The following NHLRC2 variants were observed in gnomAD, a reference collection of about 807,000 sequenced individuals.
NHLRC2 encodes NHL repeat-containing protein 2.
Under a neutral mutation model 68.1 loss-of-function variants are expected in NHLRC2, and 33 were observed. The observed-to-expected ratio is 0.48, with a 90% CI of 0.37 to 0.65. The LOEUF is 0.65. Ranked by LOEUF, NHLRC2 falls within the 30% of genes least tolerant of loss-of-function variation. The probability of loss-of-function intolerance (pLI) is 0.00; values close to 1 mark genes in which losing one functional copy is unlikely to be tolerated. For missense variants in NHLRC2, 761 were observed against 853.8 expected, an observed-to-expected ratio of 0.89 and a Z score of 1.35; for synonymous variants, 311 against 309.6, an observed-to-expected ratio of 1.00 and a Z score of -0.05.
rs747765760 is a variant in NHLRC2 at position 113,854,931 on chromosome 10, C to T, written c.59C>T (p.Ser20Leu). ...TCCGGCCTGCTCCCCGCGCAGACCT[C>T]GCTAGAGTACGCCCTGCTCGACGCC... ...SLSGLLPAQT[S>L]LEYALLDAVT... is the part of the protein sequence containing the mutation. Residue 20 changes from serine (S) to leucine (L), a missense_variant, in exon 1 of 11, where the codon TCG becomes TTG. Physicochemically the swap from Ser to Leu is moderately radical, Grantham distance 145. Coordinates refer to ENST00000369301, the MANE Select transcript of NHLRC2 (RefSeq NM_198514.4). 40 of 1,554,290 alleles carry T rather than the reference C, an allele frequency of 2.6e-5. No homozygotes were observed. In the Admixed American group the frequency reaches 6.8e-4, roughly 26 times the overall value.
chr10:113,870,299 T>A (rs1164685505), intron 2 of NHLRC2, among the ~76,000 whole-genome samples: 1 of 152,198 alleles, frequency 6.6e-6, no homozygotes, highest in Non-Finnish European at 1.5e-5. Context: ...CAGATATTCA[T>A]TCTATCCACC....
intron 5 of NHLRC2, among the ~76,000 whole-genome samples, chr10:113,893,294 T>C (rs10219135): frequency 0.8 from 121,182 of 152,048 alleles, 48,367 homozygotes; most frequent in Admixed American, 0.85. Context: ...AACGGGCAAG[T>C]AGAGAACTGA....
chr10:113,887,599 G>A lies in NHLRC2; in HGVS notation c.1039+3219G>A, dbSNP rs569500970. On this transcript the variant is annotated intron_variant, in intron 5 of 10. Transcript: ENST00000369301. ...AGCCTCGCCAACGTGGTGAAGCCCC[G>A]TCTATACAAGAATACAAAAATTAGC... Among the ~76,000 whole-genome samples, 11 of 152,002 alleles carry A rather than the reference G, an allele frequency of 7.2e-5. No individual in the cohort carries two copies. In the South Asian group the frequency reaches 8.3e-4, roughly 11 times the overall value.
chr10:113,895,960 A>C (rs965559784), intron 5 of NHLRC2, among the ~76,000 whole-genome samples: 5 of 152,222 alleles, frequency 3.3e-5, no homozygotes, highest in Non-Finnish European at 5.9e-5. Flanking sequence ...GAACCTCCAC[A>C]ATGAGATACC....
At chr10:113,880,280 T>G (rs557769197) in intron 4 of NHLRC2, among the ~76,000 whole-genome samples, 20 of 152,148 alleles carry the variant, frequency 1.3e-4, no homozygotes, top group Admixed American at 3.9e-4. Context: ...AAATTGATAT[T>G]AAAAAGCCTT....
At position 113,915,242 on chromosome 10, in the gene NHLRC2, A is replaced by C; in HGVS notation, c.*6706A>C. The C allele has an allele frequency of 2.2e-6, 1 of 456,296 alleles. No individual in the cohort carries two copies. The highest frequency in any genetic ancestry group is 1.5e-5 in the South Asian group (1 of 64,572). The allele number at this position is 456,296 out of a possible 1,614,324, so 28.3% of individuals were successfully genotyped here. A position where few individuals can be genotyped will look rare whatever the true frequency, so the allele number is the denominator to read the frequency against. ...GGACCAAAAGGAAAATATTGCAACT[A>C]TTTGCAAACATACTTCCCTACCTGT... On this transcript the variant is annotated 3_prime_UTR_variant, in exon 11 of 11. Coordinates refer to ENST00000369301, the MANE Select transcript of NHLRC2 (RefSeq NM_198514.4).
In NHLRC2 at chr10:113,854,866, C is replaced by A; in HGVS notation, c.-7C>A. 6.5e-7 allele frequency: 1 copy of A among 1,539,098 alleles called. No homozygotes were observed. The highest frequency in any genetic ancestry group is 8.8e-7 in the Non-Finnish European group (1 of 1,142,606). On this transcript the variant is annotated 5_prime_UTR_variant, in exon 1 of 11. Coordinates refer to ENST00000369301, the MANE Select transcript of NHLRC2 (RefSeq NM_198514.4). The stretch of plus-strand genomic sequence containing the variant: ...CCCGGCGGCCGCATCGGGAGCCCGG[C>A]GGAAACATGGCGGCGCCCGGAGGCC...
chr10:113,882,433 A>G (rs553255254), intron 4 of NHLRC2, among the ~76,000 whole-genome samples: 29 of 151,800 alleles, frequency 1.9e-4, no homozygotes, highest in Admixed American at 5.9e-4. Flanking sequence ...TGGTTTTGAT[A>G]TGCATTTCCC....
intron 2 of NHLRC2, 66 bp from the exon 3 acceptor site, chr10:113,876,455 T>C: frequency 2.2e-6 from 2 of 890,150 alleles, no homozygotes; most frequent in Non-Finnish European, 3.3e-6. Flanking sequence ...CAAAACCTAA[T>C]GTGTAGATGA....
intron 10 of NHLRC2, among the ~76,000 whole-genome samples, chr10:113,907,295 CTT>C (rs1321241942): frequency 3.9e-5 from 6 of 152,146 alleles, no homozygotes; most frequent in Non-Finnish European, 7.4e-5. Context: ...AGTCGGTTTA[CTT>C]ACCCTGAGAA....
At chr10:113,862,393 G>T (rs1191391121) in intron 2 of NHLRC2, among the ~76,000 whole-genome samples, 1 of 149,322 alleles carries the variant, frequency 6.7e-6, no homozygotes, top group Admixed American at 6.7e-5. Context: ...AATTCCTCTG[G>T]TTACCACAAA....
rs1442591634 is a variant in NHLRC2 at position 113,901,705 on chromosome 10, T to C, written c.1179T>C (p.Ser393=). 1 of 1,614,134 alleles carries C rather than the reference T, an allele frequency of 6.2e-7. No individual in the cohort carries two copies. Among genetic ancestry groups the C allele is most frequent in the Non-Finnish European group, 8.5e-7 (1 of 1,179,966 alleles). ...GAACCTGCCTTAGGTTTGCTGGAAGTGGAAATGAAGAGAATCGAAACAATG... is the reference window on the plus strand; with the variant it reads ...GAACCTGCCTTAGGTTTGCTGGAAGCGGAAATGAAGAGAATCGAAACAATG... The part of the protein sequence containing the change: ...TKGTCLRFAG[S]GNEENRNNAY... Residue 393 remains serine (S), a synonymous_variant, in exon 7 of 11, where the codon AGT becomes AGC. Coordinates refer to ENST00000369301, the MANE Select transcript of NHLRC2 (RefSeq NM_198514.4).
At chr10:113,860,684 A>G (rs1845807129) in intron 2 of NHLRC2, among the ~76,000 whole-genome samples, 1 of 152,228 alleles carries the variant, frequency 6.6e-6, no homozygotes, top group African/African-American at 2.4e-5. Flanking sequence ...AAGTTTTAAA[A>G]AAACAATGTA....
Position 113,908,395 on chromosome 10 carries a change from A to AT in NHLRC2, c.2041dup (p.Ser681PhefsTer10). 6.2e-7 allele frequency: 1 copy of AT among 1,614,154 alleles called. No individual in the cohort carries two copies. Among genetic ancestry groups the AT allele is most frequent in the Non-Finnish European group, 8.5e-7 (1 of 1,179,986 alleles). ...ATTGCTTATCACTTGAAGCCATTGT[A>AT]TCTGTCAGTGTGTTTCTTTATTACT... On this transcript the variant is annotated frameshift_variant, in exon 11 of 11. Coordinates refer to ENST00000369301, the MANE Select transcript of NHLRC2 (RefSeq NM_198514.4). LOFTEE classifies it high-confidence loss of function.
chr10:113,897,165 A>G (rs1846184887), intron 5 of NHLRC2, among the ~76,000 whole-genome samples: 1 of 152,072 alleles, frequency 6.6e-6, no homozygotes, highest in South Asian at 2.1e-4. Flanking sequence ...CATAGTTGAT[A>G]ATATCATTGA....
rs1485965656 is a variant in NHLRC2, at chr10:113,876,671, G to C, written c.482G>C (p.Cys161Ser). ...ASLWQELEVS[C>S]WPTLVILGPR... Reference sequence around the variant, plus strand: ...CTTTGGCAAGAACTAGAAGTTTCCTGCTGGCCAACTCTAGTCATACTTGGA... The same window carrying C: ...CTTTGGCAAGAACTAGAAGTTTCCTCCTGGCCAACTCTAGTCATACTTGGA... The change falls in exon 3 of 11, where the codon TGC (cysteine) becomes TCC (serine). Residue 161 changes from cysteine to serine, a missense_variant. By Grantham distance (112) the Cys-to-Ser change is moderately radical (BLOSUM62 -1). Transcript: ENST00000369301. The C allele has an allele frequency of 6.2e-7, 1 of 1,613,884 alleles. No individual in the cohort carries two copies. Among genetic ancestry groups the C allele is most frequent in the South Asian group, 1.1e-5 (1 of 91,074 alleles).
rs770836331 is a variant in NHLRC2 at position 113,898,173 on chromosome 10, C to T, written c.1103C>T (p.Ala368Val). Residue 368 changes from alanine to valine, a missense_variant, in exon 6 of 11, where the codon GCA becomes GTA. Transcript: ENST00000369301. ...IAMAGTHQIW[A>V]LLLDSGKLPK... is the part of the protein sequence containing the mutation. ...ATGGCAGGGACTCATCAGATATGGG[C>T]ACTCCTGCTGGACTCTGGCAAACTG... 6 of 1,612,890 alleles carry T rather than the reference C, an allele frequency of 3.7e-6. No individual in the cohort carries two copies. The South Asian group carries it at 6.6e-5, about 18-fold the overall frequency.
intron 5 of NHLRC2, among the ~76,000 whole-genome samples, chr10:113,887,661 A>G (rs1235732564): frequency 6.6e-6 from 1 of 152,082 alleles, no homozygotes; most frequent in Admixed American, 6.6e-5. Context: ...AATCCTAGCT[A>G]CTTGGGAGGC....
rs530395091 is a variant in NHLRC2, at chr10:113,913,373, T to A, written c.*4837T>A. The A allele has an allele frequency of 2.6e-5, 4 of 152,374 alleles. No homozygotes were observed. In the East Asian group the frequency reaches 7.7e-4, roughly 29 times the overall value. 9.4% of individuals were successfully genotyped at this position (152,374 alleles called of 1,614,324 possible). ...ATAAATCCATTTAATTATACAACTTTGCATTATATACTGTTATTCAGACCT... is the reference window on the plus strand; with the variant it reads ...ATAAATCCATTTAATTATACAACTTAGCATTATATACTGTTATTCAGACCT... On this transcript the variant is annotated 3_prime_UTR_variant, in exon 11 of 11. Coordinates refer to ENST00000369301, the MANE Select transcript of NHLRC2 (RefSeq NM_198514.4).
Sources: gnomAD v4.1 joint callset for allele counts (sites outside exome capture counted in the v4.1 genomes callset) on GRCh38, gnomAD v4.1.1 for gene constraint, MANE v1.5 for transcripts, NCBI Gene and HGNC (gene_info 2026-07-23, HGNC 2026-07-21) for gene names.